EDA: variants seen among roughly 807,000 people sequenced by gnomAD.
EDA encodes ectodysplasin A.
Under a neutral mutation model 23.6 loss-of-function variants are expected in EDA, and 2 were observed. The observed-to-expected ratio is 0.08, with a 90% CI of 0.03 to 0.27. The LOEUF (loss-of-function observed/expected upper bound fraction) is 0.27. Ranked by LOEUF, EDA falls within the 10% of genes least tolerant of loss-of-function variation. The pLI, the probability that EDA is intolerant of heterozygous loss-of-function variation, is 1.00. For missense variants in EDA, 229 were observed against 324.2 expected (o/e 0.71, Z 2.26); for synonymous variants, 131 against 132.0 (o/e 0.99, Z 0.05).
intron 1 of EDA, among the ~76,000 whole-genome samples, chrX:69,819,898 C>CAAA (rs61374631): frequency 1.7e-4 from 8 of 46,578 alleles, no homozygotes; most frequent in African/African-American, 2.5e-4. Flanking sequence ...CATGTGGAAG[C>CAAA]AAAAAAAAAA....
rs1387153606 is a variant in EDA, at chrX:69,668,585, A to AT, written c.396+51889dup. Among the ~76,000 whole-genome samples the AT allele has an allele frequency of 2.7e-5, 3 of 110,677 alleles. No individual in the cohort carries two copies. The Admixed American group carries it at 2.9e-4, about 11-fold the overall frequency. ...AAGTGAGATACTGAAGTTCCCTACT[A>AT]TTTTTTTTGGAGATGGAGTCTCACC... On this transcript the variant is annotated intron_variant, in intron 1 of 7. Transcript: ENST00000374552.
intron 1 of EDA, among the ~76,000 whole-genome samples, chrX:69,820,323 C>T (rs182110772): frequency 1.8e-5 from 2 of 112,024 alleles, no homozygotes; most frequent in African/African-American, 6.5e-5. Flanking sequence ...ACATTCAGGA[C>T]ATTGGCACGG....
intron 1 of EDA, among the ~76,000 whole-genome samples, chrX:69,712,499 A>T (rs1479608577): frequency 9.0e-6 from 1 of 111,564 alleles, no homozygotes; most frequent in African/African-American, 3.3e-5. Flanking sequence ...TGCAAATCAA[A>T]ACCACAATGA....
At chrX:69,632,587 T>C (rs1328691755) in intron 1 of EDA, among the ~76,000 whole-genome samples, 1 of 112,337 alleles carries the variant, frequency 8.9e-6, no homozygotes, top group Non-Finnish European at 1.9e-5. Flanking sequence ...AATTCTGTAC[T>C]CTCACTTTGG....
chrX:69,681,746 A>G (rs1934361237), intron 1 of EDA, among the ~76,000 whole-genome samples: 2 of 110,425 alleles, frequency 1.8e-5, no homozygotes, highest in African/African-American at 3.3e-5. Context: ...AAAGTTTTCA[A>G]CTTCTTTGCC....
chrX:69,939,242 AT>A lies in EDA; in HGVS notation c.397-17779del, dbSNP rs1007867184. Among the ~76,000 whole-genome samples the A allele has an allele frequency of 2.7e-5, 3 of 111,433 alleles. No individual in the cohort carries two copies. The Admixed American group carries it at 2.8e-4, about 11-fold the overall frequency. ...TCCATGAACATGGACTATCTTTTCC[AT>A]TTTTTGTGTGTCCTCTTCAATTTCT... is the stretch of plus-strand genomic sequence containing the variant. On this transcript the variant is annotated intron_variant, in intron 1 of 7. Transcript: ENST00000374552.
At chrX:69,770,661 C>A (rs1360463921) in intron 1 of EDA, among the ~76,000 whole-genome samples, 1 of 111,118 alleles carries the variant, frequency 9.0e-6, no homozygotes, top group East Asian at 2.8e-4. Flanking sequence ...GTATTTTTCT[C>A]CCAGTGTGTA....
intron 1 of EDA, among the ~76,000 whole-genome samples, chrX:69,640,563 C>T (rs1475883548): frequency 6.3e-5 from 7 of 110,773 alleles, no homozygotes; most frequent in Admixed American, 4.8e-4. Flanking sequence ...CACACAAGAA[C>T]GCAGCACAAC....
At chrX:69,650,756 G>A (rs968140331) in intron 1 of EDA, among the ~76,000 whole-genome samples, 5 of 111,454 alleles carry the variant, frequency 4.5e-5, no homozygotes, top group African/African-American at 1.6e-4. Flanking sequence ...GCTATGAAGA[G>A]TGCTGTGAGA....
chrX:69,777,805 A>G (rs893791612), intron 1 of EDA, among the ~76,000 whole-genome samples: 5 of 112,264 alleles, frequency 4.5e-5, no homozygotes, highest in African/African-American at 1.6e-4. Flanking sequence ...TAGGTATAAA[A>G]CAACGTAGTT....
chrX:70,015,807 A>G (rs1264045338), intron 2 of EDA, among the ~76,000 whole-genome samples: 1 of 111,882 alleles, frequency 8.9e-6, no homozygotes, highest in African/African-American at 3.3e-5. Context: ...TAAAGCAACT[A>G]TACAATCAAG....
chrX:69,677,036 T>C (rs1239330474), intron 1 of EDA, among the ~76,000 whole-genome samples: 15 of 91,551 alleles, frequency 1.6e-4, no homozygotes, highest in Non-Finnish European at 4.3e-5. Context: ...TGTCCATGTG[T>C]TCTCATTGTT....
chrX:69,733,782 C>T (rs983494315), intron 1 of EDA, among the ~76,000 whole-genome samples: 1 of 111,231 alleles, frequency 9.0e-6, no homozygotes, highest in Non-Finnish European at 1.9e-5. Context: ...TTTCACTGAG[C>T]AGTGGTTTGT....
chrX:69,689,382 G>A lies in EDA; in HGVS notation c.396+72678G>A, dbSNP rs1188017126. On this transcript the variant is annotated intron_variant, in intron 1 of 7. Transcript: ENST00000374552. ...GCAATCTTGGCTCACTGCAAACTCC[G>A]CTTCCTGGGTTCAAGCGAGTCTCCT... 5.6e-5 allele frequency among the ~76,000 whole-genome samples: 6 copies of A among 106,493 alleles called. No individual in the cohort carries two copies. In the South Asian group the frequency reaches 1.3e-3, roughly 23 times the overall value. The allele number at this position is 106,493 out of a possible 115,157, so 92.5% of individuals were successfully genotyped here. A position where few individuals can be genotyped will look rare whatever the true frequency, so the allele number is the denominator to read the frequency against.
rs111617146 is a variant in EDA at position 70,023,095 on chromosome X, C to G, written c.503-123C>G. On this transcript the variant is annotated intron_variant, in intron 2 of 7. Coordinates refer to ENST00000374552, the MANE Select transcript of EDA (RefSeq NM_001399.5). The stretch of plus-strand genomic sequence containing the variant: ...TTGGATCCTTGCCAAAAGCCTGACC[C>G]TTGGCTGTGAGACTCCCTCAAATTT... 1.0e-3 allele frequency: 414 copies of G among 407,043 alleles called. 3 individuals carry two copies. The highest frequency in any genetic ancestry group is 8.9e-3 in the African/African-American group (351 of 39,641). 33.5% of individuals were successfully genotyped at this position (407,043 alleles called of 1,213,427 possible). A position where few individuals can be genotyped will look rare whatever the true frequency, so the allele number is the denominator to read the frequency against.
At chrX:69,862,813 G>A (rs1463185196) in intron 1 of EDA, among the ~76,000 whole-genome samples, 1 of 110,902 alleles carries the variant, frequency 9.0e-6, no homozygotes, top group African/African-American at 3.3e-5. Flanking sequence ...ACAAATGCCT[G>A]CATAATGTGG....
intron 2 of EDA, among the ~76,000 whole-genome samples, chrX:69,975,935 G>A (rs1206920248): frequency 8.9e-6 from 1 of 111,772 alleles, no homozygotes; most frequent in Non-Finnish European, 1.9e-5. Context: ...CTCACATTAT[G>A]TTTCTATCAG....
At chrX:69,829,532 T>C (rs934352475) in intron 1 of EDA, among the ~76,000 whole-genome samples, 4 of 112,525 alleles carry the variant, frequency 3.6e-5, no homozygotes, top group Admixed American at 1.9e-4. Context: ...TATTTAAGGA[T>C]AAATGATAAA....
intron 1 of EDA, among the ~76,000 whole-genome samples, chrX:69,673,853 C>T (rs1933990355): frequency 9.0e-6 from 1 of 111,281 alleles, no homozygotes; most frequent in Non-Finnish European, 1.9e-5. Flanking sequence ...TTGAAGAGCT[C>T]TCAGAGTGGA....
Sources: allele counts gnomAD v4.1 joint callset (sites outside exome capture counted in the v4.1 genomes callset), GRCh38; gene constraint gnomAD v4.1.1; transcripts MANE v1.5; gene names NCBI Gene and HGNC (gene_info 2026-07-23, HGNC 2026-07-21).